Variants in MET observed in about 807,000 individuals in gnomAD.
The protein encoded by MET is hepatocyte growth factor receptor.
Under a neutral mutation model 133.1 loss-of-function variants are expected in MET, and 48 were observed. The observed-to-expected ratio is 0.36, with a 90% CI of 0.29 to 0.46. MET has a LOEUF of 0.46. Ranked by LOEUF, MET falls within the 20% of genes least tolerant of loss-of-function variation. The pLI is 1.00. For synonymous variants in MET, 628 were observed against 616.5 expected (o/e 1.02, Z -0.28); for missense variants, 1,442 against 1,695.9 (o/e 0.85, Z 2.63).
chr7:116,797,401 T>G lies in MET; in HGVS notation c.*1277T>G, dbSNP rs1795709965. The G allele has an allele frequency of 1.8e-5, 4 of 228,366 alleles. No homozygotes were observed. The highest frequency in any genetic ancestry group is 8.9e-5 in the African/African-American group (4 of 45,056). 14.1% of individuals were successfully genotyped at this position (228,366 alleles called of 1,614,324 possible). On this transcript the variant is annotated 3_prime_UTR_variant, in exon 21 of 21. Transcript: ENST00000397752. ...TTGGAAACAAAACTTTTGGGGAGTT[T>G]TATTTTGCATTAGGGTGTGTTTTAT... is the stretch of plus-strand genomic sequence containing the variant.
At chr7:116,779,182 G>T (rs543179640) in intron 17 of MET, among the ~76,000 whole-genome samples, 20 of 152,338 alleles carry the variant, frequency 1.3e-4, no homozygotes, top group Non-Finnish European at 2.4e-4. Context: ...AAGCAACCTT[G>T]CTCTACCTTC....
chr7:116,739,835 G>A, intron 3 of MET, 115 bp from the exon 4 acceptor site: 2 of 1,471,004 alleles, frequency 1.4e-6, no homozygotes, highest in Non-Finnish European at 1.9e-6. Flanking sequence ...TGGGTCTTCA[G>A]TTCAAACACC....
chr7:116,780,269 C>G (rs919285204), intron 17 of MET, among the ~76,000 whole-genome samples: 1 of 151,930 alleles, frequency 6.6e-6, no homozygotes, highest in Non-Finnish European at 1.5e-5. Context: ...AGCTCCGTCT[C>G]GGTTCCTGCT....
chr7:116,715,874 G>A (rs1309145893), intron 2 of MET, among the ~76,000 whole-genome samples: 2 of 152,122 alleles, frequency 1.3e-5, no homozygotes, highest in South Asian at 2.1e-4. Flanking sequence ...TGTAGAAGTC[G>A]GCTTAAGGAA....
chr7:116,677,228 A>G (rs990371186), intron 1 of MET, among the ~76,000 whole-genome samples: 2 of 152,122 alleles, frequency 1.3e-5, no homozygotes, highest in African/African-American at 4.8e-5. Context: ...GATGGTGTGC[A>G]GCTTCTGTCT....
At chr7:116,674,859 C>G (rs73469167) in intron 1 of MET, among the ~76,000 whole-genome samples, 1 of 152,216 alleles carries the variant, frequency 6.6e-6, no homozygotes, top group Non-Finnish European at 1.5e-5. Context: ...CCAGAGCCAT[C>G]TACGCTTTCT....
At chr7:116,678,737 G>T (rs554748853) in intron 1 of MET, among the ~76,000 whole-genome samples, 1 of 152,050 alleles carries the variant, frequency 6.6e-6, no homozygotes, top group Admixed American at 6.5e-5. Flanking sequence ...GGACCAGAGT[G>T]TATCTAGACC....
At chr7:116,680,811 G>A (rs774043814) in intron 1 of MET, among the ~76,000 whole-genome samples, 11 of 151,974 alleles carry the variant, frequency 7.2e-5, no homozygotes, top group Non-Finnish European at 1.5e-4. Flanking sequence ...ACATGGTGGC[G>A]CACACTTGCA....
chr7:116,759,115 T>C (rs1310591058), intron 9 of MET, among the ~76,000 whole-genome samples: 1 of 152,234 alleles, frequency 6.6e-6, no homozygotes, highest in Non-Finnish European at 1.5e-5. Context: ...TTAAGTTCGG[T>C]TTTCTTTGTA....
At chr7:116,694,829 G>A (rs1796904440) in intron 1 of MET, among the ~76,000 whole-genome samples, 1 of 152,034 alleles carries the variant, frequency 6.6e-6, no homozygotes. Flanking sequence ...TGGGATTACA[G>A]GCATGCGCCA....
chr7:116,732,368 A>G (rs1369520786), intron 3 of MET, among the ~76,000 whole-genome samples: 1 of 152,190 alleles, frequency 6.6e-6, no homozygotes, highest in Non-Finnish European at 1.5e-5. Flanking sequence ...TTGGATGCAA[A>G]TAAGTTCAGA....
rs1562942650 is a variant in MET at position 116,797,170 on chromosome 7, T to C, written c.*1046T>C. On this transcript the variant is annotated 3_prime_UTR_variant, in exon 21 of 21. Coordinates refer to ENST00000397752, the MANE Select transcript of MET (RefSeq NM_000245.4). The stretch of plus-strand genomic sequence containing the variant: ...TGTGAACATGTAGATGTTTTGTGTG[T>C]ATTTTTTTAAATGAAAACTCAAAAT... 4.9e-6 allele frequency: 1 copy of C among 202,936 alleles called. No individual in the cohort carries two copies. Among genetic ancestry groups the C allele is most frequent in the African/African-American group, 2.3e-5 (1 of 43,732 alleles). The allele number at this position is 202,936 out of a possible 1,614,324, so 12.6% of individuals were successfully genotyped here.
intron 2 of MET, among the ~76,000 whole-genome samples, chr7:116,704,257 G>A (rs555824065): frequency 9.3e-4 from 141 of 152,220 alleles, no homozygotes; most frequent in Middle Eastern, 3.4e-3. Flanking sequence ...AATTTAGCCC[G>A]TTGGGAGACA....
intron 2 of MET, among the ~76,000 whole-genome samples, chr7:116,711,889 G>C (rs1402999757): frequency 6.6e-6 from 1 of 152,152 alleles, no homozygotes; most frequent in Non-Finnish European, 1.5e-5. Context: ...GTTAAACTCT[G>C]GGGGGAGGGG....
intron 10 of MET, among the ~76,000 whole-genome samples, chr7:116,760,508 T>G (rs1300705414): frequency 2.0e-5 from 3 of 152,148 alleles, no homozygotes; most frequent in African/African-American, 7.2e-5. Flanking sequence ...TACCATAATC[T>G]AGTAGGACTT....
intron 1 of MET, among the ~76,000 whole-genome samples, chr7:116,697,595 G>A (rs38850): frequency 0.2 from 30,222 of 152,024 alleles, 3,956 homozygotes; most frequent in Non-Finnish European, 0.3. Context: ...ATGTAACTTC[G>A]AATTTCGGCT....
rs1792925984 is a variant in MET, at chr7:116,729,751, C to G, written c.1201-1917C>G. The stretch of plus-strand genomic sequence containing the variant: ...TTAGGACAGTCAAGAACCAAATACT[C>G]CCATTTGTCCCTTATAAACTCTTTT... On this transcript the variant is annotated intron_variant, in intron 2 of 20. Transcript: ENST00000397752. 2.0e-5 allele frequency among the ~76,000 whole-genome samples: 3 copies of G among 152,298 alleles called. No individual in the cohort carries two copies. The South Asian group carries it at 6.2e-4, about 32-fold the overall frequency.
chr7:116,737,923 G>A (rs1000216862), intron 3 of MET, among the ~76,000 whole-genome samples: 1 of 152,168 alleles, frequency 6.6e-6, no homozygotes, highest in Non-Finnish European at 1.5e-5. Flanking sequence ...ATTAAAAAGA[G>A]CAAGAAGGTA....
chr7:116,768,026 GTATA>G (rs368233103), intron 11 of MET, among the ~76,000 whole-genome samples: 2 of 144,116 alleles, frequency 1.4e-5, no homozygotes. Flanking sequence ...GTGTGTGTGT[GTATA>G]TATATATATA....
Sources: gnomAD v4.1 joint callset for allele counts (sites outside exome capture counted in the v4.1 genomes callset) on GRCh38, gnomAD v4.1.1 for gene constraint, MANE v1.5 for transcripts, NCBI Gene and HGNC (gene_info 2026-07-23, HGNC 2026-07-21) for gene names.